Variants in SGCD observed in about 807,000 individuals in gnomAD.
SGCD encodes sarcoglycan delta.
SGCD carries 18 observed loss-of-function variants against 36.6 expected under a neutral mutation model. That is an observed-to-expected ratio of 0.49 (90% CI 0.34 to 0.73). The LOEUF is 0.73. Ranked by LOEUF, SGCD falls within the 30% of genes least tolerant of loss-of-function variation. SGCD has a pLI of 0.01. For synonymous variants in SGCD, 133 were observed against 130.6 expected (o/e 1.02, Z -0.12); for missense variants, 387 against 346.7 (o/e 1.12, Z -0.92).
intron 3 of SGCD, among the ~76,000 whole-genome samples, chr5:156,202,368 T>A (rs1378675702): frequency 2.0e-5 from 3 of 152,198 alleles, no homozygotes; most frequent in Non-Finnish European, 4.4e-5. Flanking sequence ...AATTTGGCCA[T>A]GATTCTGATG....
the SGCD span, among the ~76,000 whole-genome samples, chr5:155,737,828 C>G: frequency 6.6e-6 from 1 of 152,096 alleles, no homozygotes; most frequent in Non-Finnish European, 1.5e-5. Context: ...TCCATTCCCC[C>G]CATGTAGCAT....
chr5:156,220,203 C>A (rs1009709539), intron 3 of SGCD, among the ~76,000 whole-genome samples: 3 of 152,084 alleles, frequency 2.0e-5, no homozygotes, highest in South Asian at 4.1e-4. Context: ...TTGCAAAGTG[C>A]TACCTTTATT....
intron 1 of SGCD, among the ~76,000 whole-genome samples, chr5:156,096,672 C>T (rs927991904): frequency 1.3e-5 from 2 of 151,918 alleles, no homozygotes; most frequent in South Asian, 4.2e-4. Context: ...TCTAAGCAAG[C>T]ATAAAATCAA....
intron 3 of SGCD, among the ~76,000 whole-genome samples, chr5:156,247,191 T>G (rs1180591452): frequency 6.6e-6 from 1 of 152,172 alleles, no homozygotes; most frequent in Non-Finnish European, 1.5e-5. Context: ...ATTCATGAAT[T>G]GTTAAGTAGA....
At chr5:156,126,474 C>T (rs1425725570) in intron 3 of SGCD, among the ~76,000 whole-genome samples, 3 of 152,064 alleles carry the variant, frequency 2.0e-5, no homozygotes, top group Non-Finnish European at 4.4e-5. Context: ...TGATTGTTGA[C>T]GGAGGATGCA....
At chr5:156,194,843 A>T (rs1430432134) in intron 3 of SGCD, among the ~76,000 whole-genome samples, 1 of 152,102 alleles carries the variant, frequency 6.6e-6, no homozygotes, top group Non-Finnish European at 1.5e-5. Flanking sequence ...AATAGCAAAA[A>T]TAGGAATTAT....
chr5:156,578,291 G>A (rs553499103), intron 4 of SGCD, among the ~76,000 whole-genome samples: 1 of 152,286 alleles, frequency 6.6e-6, no homozygotes, highest in African/African-American at 2.4e-5. Flanking sequence ...TAAGCTTTTC[G>A]ATGTGCTGCT....
chr5:156,362,907 G>A (rs1256624338), intron 3 of SGCD, among the ~76,000 whole-genome samples: 1 of 152,128 alleles, frequency 6.6e-6, no homozygotes, highest in Non-Finnish European at 1.5e-5. Flanking sequence ...GGGTACTCTT[G>A]AGAAATTGAA....
At chr5:156,084,787 G>A (rs974981668) in intron 1 of SGCD, among the ~76,000 whole-genome samples, 5 of 152,140 alleles carry the variant, frequency 3.3e-5, no homozygotes, top group African/African-American at 4.8e-5. Context: ...TAGAGAAAAA[G>A]CATTTATGTT....
chr5:155,912,255 A>G (rs1756644534), intron 1 of SGCD, among the ~76,000 whole-genome samples: 2 of 152,088 alleles, frequency 1.3e-5, no homozygotes, highest in South Asian at 4.1e-4. Flanking sequence ...GTAGAGGAAT[A>G]AAAAGAGACT....
At chr5:156,021,673 C>G (rs1759101525) in intron 1 of SGCD, among the ~76,000 whole-genome samples, 3 of 152,052 alleles carry the variant, frequency 2.0e-5, no homozygotes, top group Non-Finnish European at 4.4e-5. Context: ...CCTCGGCAAC[C>G]TGTGGTGGGT....
At chr5:156,516,795 G>A (rs1189765649) in intron 4 of SGCD, among the ~76,000 whole-genome samples, 11 of 152,106 alleles carry the variant, frequency 7.2e-5, no homozygotes, top group South Asian at 2.1e-4. Flanking sequence ...TCAGGAGTTC[G>A]AGACCATCCT....
Position 156,061,919 on chromosome 5 carries a change from CTTTTTTTTT to C in SGCD, c.-281-55942_-281-55934del, listed in dbSNP as rs757769130. Among the ~76,000 whole-genome samples, 21 of 71,762 alleles carry C rather than the reference CTTTTTTTTT, an allele frequency of 2.9e-4. 2 individuals carry two copies. The highest frequency in any genetic ancestry group is 0.015 in the Middle Eastern group (1 of 68). 47.1% of individuals were successfully genotyped at this position (71,762 alleles called of 152,430 possible). A position where few individuals can be genotyped will look rare whatever the true frequency, so the allele number is the denominator to read the frequency against. ...TTGGTGATAATTCCAGGAGTTTTCA[CTTTTTTTTT>C]TTTTTTTTTTTTTTTTATTATACTC... is the stretch of plus-strand genomic sequence containing the variant. On this transcript the variant is annotated intron_variant, in intron 1 of 9. Transcript: ENST00000517913.
At chr5:156,268,940 G>C (rs536460566) in intron 3 of SGCD, among the ~76,000 whole-genome samples, 1 of 151,392 alleles carries the variant, frequency 6.6e-6, no homozygotes, top group Non-Finnish European at 1.5e-5. Flanking sequence ...TTTTTTTTTC[G>C]TATGTATATT....
chr5:155,728,529 C>A, the SGCD span, among the ~76,000 whole-genome samples: 1 of 152,232 alleles, frequency 6.6e-6, no homozygotes, highest in African/African-American at 2.4e-5. Flanking sequence ...CAGCCCCGCT[C>A]TCTTGCGCGC....
chr5:156,050,926 C>T (rs1011236796), intron 1 of SGCD, among the ~76,000 whole-genome samples: 1 of 146,426 alleles, frequency 6.8e-6, no homozygotes, highest in Non-Finnish European at 1.5e-5. Flanking sequence ...AATCTTCCCA[C>T]CTCAGGATCC....
chr5:156,362,081 T>C (rs1769826664), intron 3 of SGCD, among the ~76,000 whole-genome samples: 1 of 152,174 alleles, frequency 6.6e-6, no homozygotes, highest in South Asian at 2.1e-4. Context: ...CTATGTGTAG[T>C]GTCAAGAAAA....
chr5:156,557,393 T>A (rs1326225174), intron 4 of SGCD, among the ~76,000 whole-genome samples: 2 of 152,176 alleles, frequency 1.3e-5, no homozygotes, highest in African/African-American at 4.8e-5. Context: ...GCCATGTGGT[T>A]ATTCATGAAT....
intron 1 of SGCD, among the ~76,000 whole-genome samples, chr5:156,084,179 T>C (rs748982276): frequency 2.8e-4 from 42 of 152,316 alleles, no homozygotes; most frequent in South Asian, 8.3e-4. Context: ...GTAGTTCAAT[T>C]TGGGGAGATT....
Sources: gnomAD v4.1 joint callset for allele counts (sites outside exome capture counted in the v4.1 genomes callset) on GRCh38, gnomAD v4.1.1 for gene constraint, MANE v1.5 for transcripts, NCBI Gene and HGNC (gene_info 2026-07-23, HGNC 2026-07-21) for gene names.